Variants in ESRRG observed in about 807,000 individuals in gnomAD.
ESRRG encodes estrogen-related receptor gamma.
In ESRRG, 13 loss-of-function variants were observed where a neutral mutation model predicts 44.0. That is an observed-to-expected ratio of 0.30 (90% confidence interval 0.19 to 0.47). ESRRG has a LOEUF of 0.47. ESRRG is among the 20% of genes least tolerant of loss of function. The pLI is 1.00. For synonymous variants in ESRRG, 215 were observed against 214.6 expected (o/e 1.00, Z -0.02); for missense variants, 395 against 580.6 (o/e 0.68, Z 3.29).
intron 3 of ESRRG, among the ~76,000 whole-genome samples, chr1:216,645,351 T>A (rs139951645): frequency 1.4e-3 from 206 of 152,232 alleles, no homozygotes; most frequent in African/African-American, 4.5e-3. Flanking sequence ...ATCATCATCA[T>A]CATCATCATT....
chr1:216,659,236 C>T (rs1277243147), intron 2 of ESRRG, among the ~76,000 whole-genome samples: 1 of 152,138 alleles, frequency 6.6e-6, no homozygotes, highest in Non-Finnish European at 1.5e-5. Context: ...AATAAAACCA[C>T]CTTCCTCAGA....
rs144997174 is a variant in ESRRG at position 216,877,473 on chromosome 1, G to A, written c.-14+62109C>T. 1.2e-3 allele frequency among the ~76,000 whole-genome samples: 189 copies of A among 151,588 alleles called. 1 individual carries two copies. The highest frequency in any genetic ancestry group is 4.2e-3 in the African/African-American group (172 of 41,354). Reference sequence around the variant, plus strand: ...GGCTGGAGTGCAATGGTGCAATCTCGGCTCAGTGCAACCTCTGCCTCCCAG... The same window carrying A: ...GGCTGGAGTGCAATGGTGCAATCTCAGCTCAGTGCAACCTCTGCCTCCCAG... On this transcript the variant is annotated intron_variant, in intron 2 of 7. Coordinates refer to the ESRRG transcript ENST00000359162.
At chr1:216,612,603 G>GC in intron 3 of ESRRG, among the ~76,000 whole-genome samples, 1 of 152,116 alleles carries the variant, frequency 6.6e-6, no homozygotes, top group East Asian at 1.9e-4. Context: ...GCAGAGCTTA[G>GC]CCCCACAAGG....
intron 3 of ESRRG, among the ~76,000 whole-genome samples, chr1:216,571,440 T>C (rs2060788253): frequency 6.6e-6 from 1 of 151,970 alleles, no homozygotes; most frequent in African/African-American, 2.4e-5. Context: ...TGAAACGCCA[T>C]CTCAAAAAAC....
At chr1:217,124,116 G>T (rs1030839340) in intron 1 of ESRRG, among the ~76,000 whole-genome samples, 1 of 152,068 alleles carries the variant, frequency 6.6e-6, no homozygotes, top group Non-Finnish European at 1.5e-5. Context: ...GACTACCTCT[G>T]AGCCTAAGAT....
chr1:216,630,413 G>A lies in ESRRG; in HGVS notation c.589+20560C>T, dbSNP rs11572721. On this transcript the variant is annotated intron_variant, in intron 3 of 6. Coordinates refer to ENST00000408911, the MANE Select transcript of ESRRG (RefSeq NM_001438.4). ...TGACAATTTTTAAAATTGTTAGTAA[G>A]ACTAACACATGTGCATGCACATGTG... Among the ~76,000 whole-genome samples, 417 of 150,752 alleles carry A rather than the reference G, an allele frequency of 2.8e-3. 2 individuals are homozygous for A. The highest frequency in any genetic ancestry group is 9.7e-3 in the African/African-American group (396 of 40,954).
chr1:216,997,321 T>C (rs1001546283), intron 1 of ESRRG, among the ~76,000 whole-genome samples: 3 of 152,156 alleles, frequency 2.0e-5, no homozygotes, highest in African/African-American at 7.2e-5. Context: ...AAGACAACCC[T>C]GCAGAACATG....
chr1:216,541,349 C>A (rs1371227242), intron 5 of ESRRG, among the ~76,000 whole-genome samples: 5 of 152,004 alleles, frequency 3.3e-5, no homozygotes, highest in African/African-American at 1.2e-4. Flanking sequence ...ATGAATGCTT[C>A]TATCTGCTTT....
At chr1:216,948,326 G>A (rs1409954623) in intron 1 of ESRRG, among the ~76,000 whole-genome samples, 2 of 151,548 alleles carry the variant, frequency 1.3e-5, no homozygotes, top group Non-Finnish European at 2.9e-5. Flanking sequence ...CGAGGCAGAG[G>A]CGGGTGGATC....
intron 2 of ESRRG, among the ~76,000 whole-genome samples, chr1:216,936,234 T>C (rs1452877612): frequency 2.0e-5 from 3 of 152,108 alleles, no homozygotes; most frequent in South Asian, 2.1e-4. Context: ...AACCTCATAG[T>C]AGATGTTTGG....
intron 3 of ESRRG, among the ~76,000 whole-genome samples, chr1:216,638,030 T>A (rs971444303): frequency 1.3e-5 from 2 of 152,170 alleles, no homozygotes; most frequent in Admixed American, 6.6e-5. Flanking sequence ...AAGTCATATT[T>A]TATTGAGCAC....
chr1:216,587,493 TAACC>T (rs1375998973), intron 3 of ESRRG, among the ~76,000 whole-genome samples: 1 of 152,074 alleles, frequency 6.6e-6, no homozygotes, highest in African/African-American at 2.4e-5. Flanking sequence ...TTATGGAAAA[TAACC>T]AAGAGTAAAG....
intron 2 of ESRRG, among the ~76,000 whole-genome samples, chr1:216,807,549 T>C (rs533457794): frequency 1.2e-4 from 19 of 152,246 alleles, no homozygotes; most frequent in Admixed American, 2.6e-4. Flanking sequence ...CAATGTTTTT[T>C]CTTTTGGAAT....
At chr1:216,848,476 C>G (rs1380142676) in intron 2 of ESRRG, among the ~76,000 whole-genome samples, 1 of 151,782 alleles carries the variant, frequency 6.6e-6, no homozygotes, top group Admixed American at 6.6e-5. Context: ...GCCCTAAGGG[C>G]TAGTTAACTG....
chr1:216,769,012 G>A (rs189442490), intron 2 of ESRRG, among the ~76,000 whole-genome samples: 1 of 151,912 alleles, frequency 6.6e-6, no homozygotes, highest in Admixed American at 6.6e-5. Flanking sequence ...TTCAACAAAT[G>A]CCTAATGTAT....
upstream of ESRRG, among the ~76,000 whole-genome samples, chr1:217,094,165 A>C (rs2092391613): frequency 1.3e-5 from 2 of 152,178 alleles, no homozygotes; most frequent in Non-Finnish European, 2.9e-5. Flanking sequence ...GATTACAGGC[A>C]TGAGCCACTG....
intron 1 of ESRRG, among the ~76,000 whole-genome samples, chr1:216,947,634 C>G (rs1054090304): frequency 2.0e-5 from 3 of 152,156 alleles, no homozygotes; most frequent in African/African-American, 7.2e-5. Context: ...TTTATTCCCC[C>G]TGGAAGAGCC....
chr1:216,760,637 A>C (rs2152339210), intron 2 of ESRRG, among the ~76,000 whole-genome samples: 1 of 152,030 alleles, frequency 6.6e-6, no homozygotes, highest in East Asian at 1.9e-4. Flanking sequence ...TTAAATTGAG[A>C]GGGAATAAAG....
intron 2 of ESRRG, among the ~76,000 whole-genome samples, chr1:216,746,132 A>C (rs1334419062): frequency 6.6e-6 from 1 of 152,252 alleles, no homozygotes; most frequent in Non-Finnish European, 1.5e-5. Flanking sequence ...TAAAAAGTAG[A>C]TATTATGGTG....
Sources: allele counts gnomAD v4.1 joint callset (sites outside exome capture counted in the v4.1 genomes callset), GRCh38; gene constraint gnomAD v4.1.1; transcripts MANE v1.5; gene names NCBI Gene and HGNC (gene_info 2026-07-23, HGNC 2026-07-21).